The following USH1C variants were observed in gnomAD, a reference collection of about 807,000 sequenced individuals.
USH1C encodes the protein harmonin.
USH1C carries 90 observed loss-of-function variants against 119.3 expected under a neutral mutation model. The observed-to-expected ratio is 0.75, with a 90% CI of 0.64 to 0.90. USH1C has a LOEUF of 0.90. Ranked by LOEUF, USH1C falls within the 40% of genes least tolerant of loss-of-function variation. The pLI, the probability that USH1C is intolerant of heterozygous loss-of-function variation, is 0.00. For missense variants in USH1C, 1,165 were observed against 1,167.7 expected (o/e 1.00, Z 0.03); for synonymous variants, 465 against 443.3 (o/e 1.05, Z -0.62).
intron 25 of USH1C, among the ~76,000 whole-genome samples, chr11:17,496,217 C>G (rs1849244545): frequency 6.6e-6 from 1 of 152,036 alleles, no homozygotes. Flanking sequence ...GGAGAGAAGA[C>G]AGAGAGACCC....
At chr11:17,497,076 G>A (rs1849276304) in intron 24 of USH1C, among the ~76,000 whole-genome samples, 1 of 152,244 alleles carries the variant, frequency 6.6e-6, no homozygotes, top group Non-Finnish European at 1.5e-5. Context: ...CCGGGGACAG[G>A]CAGCAACCTC....
intron 24 of USH1C, 117 bp from the exon 25 acceptor site, chr11:17,496,930 TC>T: frequency 1.6e-6 from 2 of 1,225,762 alleles, no homozygotes; most frequent in Non-Finnish European, 2.3e-6. Context: ...TGCACCTTCT[TC>T]CCACGGGCCC....
At chr11:17,516,209 G>A in intron 15 of USH1C, 32 bp downstream of exon 15, 1 of 1,612,910 alleles carries the variant, frequency 6.2e-7, no homozygotes. Flanking sequence ...AAACTAAGCA[G>A]CACACCAGCA....
In USH1C at chr11:17,504,692, C is replaced by T. The variant is rs1849576770; in HGVS notation, c.2139G>A (p.Gln713=). 1 of 1,613,924 alleles carries T rather than the reference C, an allele frequency of 6.2e-7. No individual in the cohort carries two copies. The highest frequency in any genetic ancestry group is 8.5e-7 in the Non-Finnish European group (1 of 1,180,018). ...AAACCACCATCCTCTTCAACATCTC[C>T]TGTGGCTGCCAGAGGAAAAAAAAAA... ...RPAVKSEVLP[Q]EMLKRMVVYQ... is the part of the protein sequence containing the mutation. Residue 713 remains glutamine, a synonymous_variant, in exon 20 of 27, where the codon CAG becomes CAA. Transcript: ENST00000005226.
At chr11:17,523,331 C>T (rs1436079896) in intron 10 of USH1C, 64 bp from the exon 11 acceptor site, 3 of 1,613,708 alleles carry the variant, frequency 1.9e-6, no homozygotes, top group African/African-American at 2.7e-5. Context: ...GCAGAGAGCA[C>T]AGAAGGCCCC....
intron 1 of USH1C, among the ~76,000 whole-genome samples, chr11:17,536,051 C>G (rs1243929852): frequency 6.6e-6 from 1 of 152,212 alleles, no homozygotes; most frequent in Non-Finnish European, 1.5e-5. Context: ...CCCCATCTCT[C>G]TCCTCTGCAC....
intron 11 of USH1C, 84 bp downstream of exon 11, chr11:17,523,127 C>T: frequency 6.3e-7 from 1 of 1,586,910 alleles, no homozygotes; most frequent in Non-Finnish European, 8.7e-7. Context: ...GACCAGCCAC[C>T]CTGGGAGTGT....
intron 16 of USH1C, 141 bp from the exon 17 acceptor site, chr11:17,510,662 T>C: frequency 1.4e-6 from 1 of 714,882 alleles, no homozygotes; most frequent in Non-Finnish European, 2.5e-6. Context: ...AGACCTGGGC[T>C]TGTTCCAACT....
intron 1 of USH1C, among the ~76,000 whole-genome samples, chr11:17,535,035 A>G (rs1296233209): frequency 6.6e-6 from 1 of 152,150 alleles, no homozygotes; most frequent in Admixed American, 6.5e-5. Context: ...CCCTCTGCTC[A>G]GGCCTGTGGG....
At chr11:17,504,504 G>T in intron 20 of USH1C, 143 bp downstream of exon 20, 1 of 896,152 alleles carries the variant, frequency 1.1e-6, no homozygotes, top group Non-Finnish European at 1.8e-6. Flanking sequence ...GGCAATGGAG[G>T]ACACAGCTCT....
At chr11:17,507,348 G>A (rs974042215) in intron 18 of USH1C, among the ~76,000 whole-genome samples, 5 of 152,172 alleles carry the variant, frequency 3.3e-5, no homozygotes, top group Admixed American at 6.5e-5. Flanking sequence ...TTGTGTTGGG[G>A]GGCTTTTAAC....
chr11:17,495,813 G>A (rs948465456), intron 25 of USH1C, 136 bp from the exon 26 acceptor site: 29 of 909,560 alleles, frequency 3.2e-5, no homozygotes, highest in East Asian at 1.1e-4. Context: ...TAGGAGCTGC[G>A]AGACCCTGGT....
chr11:17,510,586 A>C (rs1849846833), intron 16 of USH1C, 65 bp from the exon 17 acceptor site: 2 of 1,195,198 alleles, frequency 1.7e-6, no homozygotes. Context: ...ATGTGGATAG[A>C]AATAGCATGA....
Position 17,513,693 on chromosome 11 carries a change from G to A in USH1C, c.1261-1639C>T, listed in dbSNP as rs140882542. ...AGTTGATAGATGAATCCCTGCCATC[G>A]TAGTAGAGATTCAGACAGCAATTTC... On this transcript the variant is annotated intron_variant, in intron 15 of 26. Coordinates refer to ENST00000005226, the MANE Select transcript of USH1C (RefSeq NM_153676.4). 2.6e-4 allele frequency among the ~76,000 whole-genome samples: 39 copies of A among 152,276 alleles called. No individual in the cohort carries two copies. The East Asian group carries it at 4.1e-3, about 16-fold the overall frequency.
intron 8 of USH1C, among the ~76,000 whole-genome samples, chr11:17,524,977 G>A (rs1165349125): frequency 6.6e-6 from 1 of 152,094 alleles, no homozygotes; most frequent in Non-Finnish European, 1.5e-5. Context: ...GCCTAGCTGC[G>A]ACTACAGGTG....
At chr11:17,504,248 C>T (rs1427992268) in intron 20 of USH1C, among the ~76,000 whole-genome samples, 5 of 152,134 alleles carry the variant, frequency 3.3e-5, no homozygotes, top group African/African-American at 1.2e-4. Context: ...GTGATCTGCC[C>T]GGAGAAGAAG....
chr11:17,529,560 C>T (rs1850865514), intron 4 of USH1C, among the ~76,000 whole-genome samples: 1 of 152,228 alleles, frequency 6.6e-6, no homozygotes, highest in South Asian at 2.1e-4. Flanking sequence ...AGCCATTTTT[C>T]CCGAAGCTCC....
rs1849774614 is a variant in USH1C, at chr11:17,509,489, TC to T, written c.1879del (p.Glu627LysfsTer4). 3 of 1,408,208 alleles carry T rather than the reference TC, an allele frequency of 2.1e-6. No individual in the cohort carries two copies. Among genetic ancestry groups the T allele is most frequent in the Non-Finnish European group, 2.8e-6 (3 of 1,054,976 alleles). 87.2% of individuals were successfully genotyped at this position (1,408,208 alleles called of 1,614,324 possible). A position where few individuals can be genotyped will look rare whatever the true frequency, so the allele number is the denominator to read the frequency against. ...GAAGGGATGGTTGCTCAGTGCTTCT[TC>T]CAGCGCCGAGGGCAGTGGGCGGGTG... ...TPTRPLPSAL[E>X]EALSNHPFRT... On this transcript the variant is annotated frameshift_variant, in exon 18 of 27. Transcript: ENST00000005226. LOFTEE classifies it high-confidence loss of function.
intron 15 of USH1C, chr11:17,514,549 C>T (rs917952096): frequency 6.6e-6 from 1 of 152,190 alleles, no homozygotes; most frequent in African/African-American, 2.4e-5. Flanking sequence ...GCACAGATAT[C>T]ATGGCCATGG....
Sources: gnomAD v4.1 joint callset for allele counts (sites outside exome capture counted in the v4.1 genomes callset) on GRCh38, gnomAD v4.1.1 for gene constraint, MANE v1.5 for transcripts, NCBI Gene and HGNC (gene_info 2026-07-23, HGNC 2026-07-21) for gene names.